HHIPL1: variants seen among roughly 807,000 people sequenced by gnomAD.
The protein encoded by HHIPL1 is HHIP like 1, also known as HHIP-like protein 1.
In HHIPL1, 43 loss-of-function variants were observed where a neutral mutation model predicts 61.8. The observed-to-expected ratio is 0.70, with a 90% CI of 0.55 to 0.90. The LOEUF is 0.90. Among genes scored for constraint, HHIPL1 ranks in the 40% least tolerant of loss-of-function variants. HHIPL1 has a pLI of 0.00. For missense variants in HHIPL1, 1,056 were observed against 1,157.7 expected (o/e 0.91, Z 1.28); for synonymous variants, 482 against 515.8 (o/e 0.93, Z 0.89).
At chr14:99,605,851 C>T in the HHIPL1 span, among the ~76,000 whole-genome samples, 2 of 152,116 alleles carry the variant, frequency 1.3e-5, no homozygotes, top group Non-Finnish European at 2.9e-5. Context: ...CTAGGGCTGG[C>T]CTGTTACAGA....
At chr14:99,630,870 C>G in the HHIPL1 span, among the ~76,000 whole-genome samples, 1,781 of 152,272 alleles carry the variant, frequency 0.012, 19 homozygotes, top group Non-Finnish European at 0.02. Flanking sequence ...GCTGGCAATC[C>G]TGGTGTTCCT....
chr14:99,637,778 T>C, the HHIPL1 span, among the ~76,000 whole-genome samples: 1 of 152,126 alleles, frequency 6.6e-6, no homozygotes, highest in African/African-American at 2.4e-5. Flanking sequence ...CTCCTGTTTT[T>C]TGAGCACATA....
chr14:99,613,501 G>T, the HHIPL1 span, among the ~76,000 whole-genome samples: 2 of 151,620 alleles, frequency 1.3e-5, no homozygotes, highest in African/African-American at 4.8e-5. Flanking sequence ...TTTTTATACT[G>T]TTTGTAGAGG....
chr14:99,610,373 G>T, the HHIPL1 span, among the ~76,000 whole-genome samples: 3 of 152,170 alleles, frequency 2.0e-5, no homozygotes, highest in African/African-American at 7.2e-5. Flanking sequence ...CCTGGTCACA[G>T]GTCCCAGCCT....
the HHIPL1 span, among the ~76,000 whole-genome samples, chr14:99,605,826 G>GC: frequency 1.3e-5 from 2 of 152,212 alleles, no homozygotes; most frequent in Non-Finnish European, 2.9e-5. Flanking sequence ...AGCAGGAACA[G>GC]CCAGTGCCAA....
At chr14:99,657,284 T>TG in intron 3 of HHIPL1, 141 bp downstream of exon 3, 12 of 967,888 alleles carry the variant, frequency 1.2e-5, no homozygotes, top group Non-Finnish European at 1.6e-5. Context: ...AGCCTGCAGC[T>TG]AGCTGGGCAG....
At chr14:99,657,283 C>T (rs1023485469) in intron 3 of HHIPL1, 140 bp downstream of exon 3, 4 of 978,468 alleles carry the variant, frequency 4.1e-6, no homozygotes, top group Admixed American at 4.7e-5. Context: ...CAGCCTGCAG[C>T]TAGCTGGGCA....
At chr14:99,629,177 T>G in the HHIPL1 span, among the ~76,000 whole-genome samples, 2 of 152,230 alleles carry the variant, frequency 1.3e-5, no homozygotes, top group East Asian at 3.9e-4. Flanking sequence ...GGCAGCCCTG[T>G]GAGGTGGGCC....
intron 1 of HHIPL1, among the ~76,000 whole-genome samples, chr14:99,645,897 G>T (rs2055825088): frequency 6.6e-6 from 1 of 152,092 alleles, no homozygotes; most frequent in Non-Finnish European, 1.5e-5. Context: ...GTGAAAGCAG[G>T]GGGCCCTGGC....
chr14:99,671,240 G>A (rs1463534862), intron 7 of HHIPL1, among the ~76,000 whole-genome samples: 3 of 152,194 alleles, frequency 2.0e-5, no homozygotes, highest in South Asian at 2.1e-4. Context: ...CTACCCACAC[G>A]TAACCACTGT....
chr14:99,612,416 A>T, the HHIPL1 span, among the ~76,000 whole-genome samples: 5 of 152,214 alleles, frequency 3.3e-5, no homozygotes, highest in African/African-American at 1.2e-4. Flanking sequence ...TGCCCCATGT[A>T]TTGGGAATAA....
At chr14:99,630,036 C>G in the HHIPL1 span, among the ~76,000 whole-genome samples, 1 of 152,202 alleles carries the variant, frequency 6.6e-6, no homozygotes, top group Non-Finnish European at 1.5e-5. Flanking sequence ...GAAAAACTCT[C>G]TCTCTATGAG....
intron 4 of HHIPL1, 151 bp downstream of exon 4, chr14:99,659,907 T>G: frequency 1.4e-6 from 1 of 723,864 alleles, no homozygotes; most frequent in Non-Finnish European, 2.1e-6. Flanking sequence ...CTATGGGCTG[T>G]GCGGCAGGGC....
chr14:99,618,723 A>G, the HHIPL1 span, among the ~76,000 whole-genome samples: 1 of 152,164 alleles, frequency 6.6e-6, no homozygotes, highest in Non-Finnish European at 1.5e-5. Flanking sequence ...CCTCCTCTCC[A>G]TGGGGCCCCT....
the HHIPL1 span, among the ~76,000 whole-genome samples, chr14:99,626,185 A>AC: frequency 6.6e-6 from 1 of 151,810 alleles, no homozygotes; most frequent in Non-Finnish European, 1.5e-5. Context: ...CATTCCTGTG[A>AC]CCCCAGCAGG....
At position 99,645,259 on chromosome 14, in the gene HHIPL1, G is replaced by A. The variant is rs926028541; in HGVS notation, c.52G>A (p.Ala18Thr). 2 of 1,397,234 alleles carry A rather than the reference G, an allele frequency of 1.4e-6. No individual in the cohort carries two copies. The highest frequency in any genetic ancestry group is 3.1e-5 in the Admixed American group (1 of 32,076). 86.6% of individuals were successfully genotyped at this position (1,397,234 alleles called of 1,614,324 possible). A position where few individuals can be genotyped will look rare whatever the true frequency, so the allele number is the denominator to read the frequency against. ...GCTGGCGCTTTGGGTGCTCGGGGCC[G>A]CCGCGCATCCGCAGTGCCTGGACTT... is the stretch of plus-strand genomic sequence containing the variant. The part of the protein sequence containing the change: ...ALLALWVLGA[A>T]AHPQCLDFRP... Residue 18 changes from alanine (A) to threonine (T), a missense_variant, in exon 1 of 9, where the codon GCC (alanine) becomes ACC (threonine). Coordinates refer to ENST00000330710, the MANE Select transcript of HHIPL1 (RefSeq NM_001127258.3).
At chr14:99,649,767 G>A (rs2055896641) in intron 1 of HHIPL1, among the ~76,000 whole-genome samples, 1 of 152,238 alleles carries the variant, frequency 6.6e-6, no homozygotes, top group Admixed American at 6.5e-5. Context: ...CTGCACTCTA[G>A]CCTGGATGAC....
Position 99,663,379 on chromosome 14 carries a change from G to T in HHIPL1, c.1648+358G>T, listed in dbSNP as rs554269185. On this transcript the variant is annotated intron_variant, in intron 6 of 8. Coordinates refer to ENST00000330710, the MANE Select transcript of HHIPL1 (RefSeq NM_001127258.3). ...TTGATGATATGCTAAACAAGGGGTGGATTATTCATGCCTCCCCTTTTTGGA... is the reference window on the plus strand; with the variant it reads ...TTGATGATATGCTAAACAAGGGGTGTATTATTCATGCCTCCCCTTTTTGGA... Among the ~76,000 whole-genome samples, 12 of 152,258 alleles carry T rather than the reference G, an allele frequency of 7.9e-5. No individual in the cohort carries two copies. In the South Asian group the frequency reaches 2.5e-3, roughly 32 times the overall value.
Position 99,668,004 on chromosome 14 carries a change from C to T in HHIPL1, c.1649-218C>T, listed in dbSNP as rs552528288. 6.6e-5 allele frequency among the ~76,000 whole-genome samples: 10 copies of T among 152,324 alleles called. No individual in the cohort carries two copies. In the East Asian group the frequency reaches 1.9e-3, roughly 29 times the overall value. On this transcript the variant is annotated intron_variant, in intron 6 of 8. Transcript: ENST00000330710. The surrounding 1 kb of genome is among the most constrained non-coding windows in gnomAD (Gnocchi z 4.7). ...GCAGAGTGCCTGACACCCGGAAGAC[C>T]AGGCTCCAGAGGCCCTTGGGTACAA...
Sources: allele counts gnomAD v4.1 joint callset (sites outside exome capture counted in the v4.1 genomes callset), GRCh38; gene constraint gnomAD v4.1.1; non-coding constraint Gnocchi (gnomAD v3.1); transcripts MANE v1.5; gene names NCBI Gene and HGNC (gene_info 2026-07-23, HGNC 2026-07-21).